The following ST6GAL1 variants were observed in gnomAD, a reference collection of about 807,000 sequenced individuals.
ST6GAL1 encodes the protein ST6 beta-galactoside alpha-2,6-sialyltransferase 1.
Under a neutral mutation model 38.0 loss-of-function variants are expected in ST6GAL1, and 20 were observed. That is an observed-to-expected ratio of 0.53 (90% confidence interval 0.37 to 0.77). The LOEUF (loss-of-function observed/expected upper bound fraction) is 0.77. Ranked by LOEUF, ST6GAL1 falls within the 30% of genes least tolerant of loss-of-function variation. The probability of loss-of-function intolerance (pLI) is 0.00; values close to 1 mark genes in which losing one functional copy is unlikely to be tolerated. For missense variants in ST6GAL1, 432 were observed against 496.4 expected, an observed-to-expected ratio of 0.87 and a Z score of 1.23; for synonymous variants, 196 against 188.2, an observed-to-expected ratio of 1.04 and a Z score of -0.34.
intron 2 of ST6GAL1, among the ~76,000 whole-genome samples, chr3:186,979,684 A>T (rs1715630643): frequency 1.3e-5 from 2 of 152,288 alleles, no homozygotes; most frequent in South Asian, 4.2e-4. Flanking sequence ...TGGAGCCAGT[A>T]CCTGAATATG....
Position 187,029,119 on chromosome 3 carries a change from C to CA in ST6GAL1, c.-182-9622dup, listed in dbSNP as rs1717651706. On this transcript the variant is annotated intron_variant, in intron 2 of 7. Coordinates refer to ENST00000169298, the MANE Select transcript of ST6GAL1 (RefSeq NM_173216.2). ...AAAAAAGAATTTTTCATAGGTGCTT[C>CA]ATGTCACGTCACATCAGAAGGCACA... Among the ~76,000 whole-genome samples the CA allele has an allele frequency of 4.4e-5, 5 of 113,866 alleles. 1 individual carries two copies. The South Asian group carries it at 1.5e-3, about 34-fold the overall frequency. The allele number at this position is 113,866 out of a possible 152,430, so 74.7% of individuals were successfully genotyped here. A position where few individuals can be genotyped will look rare whatever the true frequency, so the allele number is the denominator to read the frequency against.
intron 5 of ST6GAL1, among the ~76,000 whole-genome samples, chr3:187,059,559 A>G (rs1237597953): frequency 6.6e-6 from 1 of 152,198 alleles, no homozygotes; most frequent in Non-Finnish European, 1.5e-5. Flanking sequence ...CATAAACTCT[A>G]TAGTTAGCCT....
intron 4 of ST6GAL1, among the ~76,000 whole-genome samples, chr3:187,046,344 G>C (rs558851911): frequency 6.6e-6 from 1 of 152,172 alleles, no homozygotes; most frequent in African/African-American, 2.4e-5. Context: ...TTCCACTTTG[G>C]ATGTTCTGAG....
At chr3:187,061,574 G>A (rs888807539) in intron 5 of ST6GAL1, among the ~76,000 whole-genome samples, 1 of 152,148 alleles carries the variant, frequency 6.6e-6, no homozygotes, top group African/African-American at 2.4e-5. Context: ...TTGTATATAT[G>A]TGTAAATGAT....
chr3:187,021,599 G>A (rs1211544588), intron 2 of ST6GAL1, among the ~76,000 whole-genome samples: 1 of 151,998 alleles, frequency 6.6e-6, no homozygotes, highest in East Asian at 2.0e-4. Context: ...AATTAGCCGG[G>A]TGTGATGGTG....
chr3:186,960,764 G>GT (rs943207220), intron 1 of ST6GAL1, among the ~76,000 whole-genome samples: 409 of 148,506 alleles, frequency 2.8e-3, no homozygotes, highest in African/African-American at 5.3e-3. Context: ...TTTGTTTTCT[G>GT]TTTTTTTTTT....
chr3:187,055,536 T>G (rs1422155317), intron 5 of ST6GAL1, among the ~76,000 whole-genome samples: 2 of 152,202 alleles, frequency 1.3e-5, no homozygotes, highest in Admixed American at 1.3e-4. Flanking sequence ...AAAGAACATC[T>G]TTATTTCTGC....
intron 2 of ST6GAL1, among the ~76,000 whole-genome samples, chr3:186,995,766 C>T (rs1716383451): frequency 6.6e-6 from 1 of 152,110 alleles, no homozygotes; most frequent in Non-Finnish European, 1.5e-5. Flanking sequence ...ATAGCTTGAG[C>T]CCGGGAGGCA....
intron 3 of ST6GAL1, among the ~76,000 whole-genome samples, chr3:187,040,518 A>G (rs1718090128): frequency 6.6e-6 from 1 of 152,190 alleles, no homozygotes; most frequent in African/African-American, 2.4e-5. Context: ...AAACCCTATA[A>G]CCTTGCTAAG....
intron 4 of ST6GAL1, among the ~76,000 whole-genome samples, chr3:187,049,461 C>T (rs544585464): frequency 6.6e-6 from 1 of 152,174 alleles, no homozygotes; most frequent in Non-Finnish European, 1.5e-5. Flanking sequence ...GGGGCAGAAC[C>T]AGGTTGGGAT....
intron 1 of ST6GAL1, 120 bp from the exon 2 acceptor site, chr3:186,963,665 A>G (rs1255629639): frequency 6.6e-6 from 1 of 152,266 alleles, no homozygotes; most frequent in Non-Finnish European, 1.5e-5. Context: ...GGTCCTGGAA[A>G]GGAGGCTGGC....
intron 2 of ST6GAL1, among the ~76,000 whole-genome samples, chr3:186,994,569 AATAAG>A (rs1477659861): frequency 6.6e-6 from 1 of 152,204 alleles, no homozygotes; most frequent in Non-Finnish European, 1.5e-5. Context: ...AGTCATACAA[AATAAG>A]ATGTTATTTT....
chr3:186,981,096 A>G (rs2108537553), intron 2 of ST6GAL1, among the ~76,000 whole-genome samples: 1 of 152,334 alleles, frequency 6.6e-6, no homozygotes, highest in Non-Finnish European at 1.5e-5. Context: ...GGAGGTGTTA[A>G]AAGAAAAACT....
At chr3:186,985,950 A>C (rs1191546470) in intron 2 of ST6GAL1, among the ~76,000 whole-genome samples, 1 of 152,220 alleles carries the variant, frequency 6.6e-6, no homozygotes, top group African/African-American at 2.4e-5. Context: ...CCTGAAAGGC[A>C]TTAGTGGGAG....
chr3:186,994,855 C>T (rs897920335), intron 2 of ST6GAL1, among the ~76,000 whole-genome samples: 2 of 151,538 alleles, frequency 1.3e-5, no homozygotes, highest in Non-Finnish European at 2.9e-5. Flanking sequence ...GCAGGGGAAT[C>T]GCTTGAACCC....
At chr3:186,940,666 C>A (rs1282875733) in intron 1 of ST6GAL1, among the ~76,000 whole-genome samples, 1 of 152,116 alleles carries the variant, frequency 6.6e-6, no homozygotes, top group African/African-American at 2.4e-5. Context: ...CAAGATAATT[C>A]TTCCAGTGTG....
At chr3:187,013,945 T>C (rs1167523890) in intron 2 of ST6GAL1, among the ~76,000 whole-genome samples, 1 of 152,234 alleles carries the variant, frequency 6.6e-6, no homozygotes, top group Admixed American at 6.5e-5. Flanking sequence ...AGATAAATAC[T>C]GATTCATGAC....
intron 5 of ST6GAL1, 118 bp downstream of exon 5, chr3:187,051,464 A>C: frequency 1.2e-6 from 1 of 828,624 alleles, no homozygotes; most frequent in South Asian, 1.6e-5. Flanking sequence ...GATCTTCCTG[A>C]GTTCCTGATT....
intron 2 of ST6GAL1, among the ~76,000 whole-genome samples, chr3:186,972,836 A>G (rs758420767): frequency 1.3e-5 from 2 of 152,094 alleles, no homozygotes; most frequent in African/African-American, 4.8e-5. Context: ...TGTGGGAAGA[A>G]GAGGAGGATT....
Sources: allele counts gnomAD v4.1 joint callset (sites outside exome capture counted in the v4.1 genomes callset), GRCh38; gene constraint gnomAD v4.1.1; transcripts MANE v1.5; gene names NCBI Gene and HGNC (gene_info 2026-07-23, HGNC 2026-07-21).